ANAPC13: variants seen among roughly 807,000 people sequenced by gnomAD.
ANAPC13 encodes the protein anaphase-promoting complex subunit 13.
ANAPC13 carries 9 observed loss-of-function variants against 9.6 expected under a neutral mutation model. The ratio of observed to expected loss-of-function variants is 0.94; its 90% confidence interval spans 0.57 to 1.64. The LOEUF is 1.64. ANAPC13 is among the 40% of genes most tolerant of loss of function. The pLI is 0.00. For synonymous variants in ANAPC13, 30 were observed against 29.7 expected (o/e 1.01, Z -0.03); for missense variants, 75 against 85.3 (o/e 0.88, Z 0.48).
At chr3:134,483,300 G>C (rs1934781783) in intron 1 of ANAPC13, 1 of 174,818 alleles carries the variant, frequency 5.7e-6, no homozygotes, top group Non-Finnish European at 1.2e-5. Context: ...GATTCATAAT[G>C]GCCAGCTAAG....
chr3:134,484,431 C>A (rs1934897584), intron 1 of ANAPC13, among the ~76,000 whole-genome samples: 1 of 152,102 alleles, frequency 6.6e-6, no homozygotes, highest in African/African-American at 2.4e-5. Context: ...ACAGCTGTCC[C>A]CCATAGGATA....
chr3:134,479,702 G>C (rs1433216012), intron 2 of ANAPC13, among the ~76,000 whole-genome samples: 1 of 152,174 alleles, frequency 6.6e-6, no homozygotes. Flanking sequence ...CACTGAAAAT[G>C]TAATTAATAG....
intron 2 of ANAPC13, among the ~76,000 whole-genome samples, chr3:134,479,836 T>C (rs1934697304): frequency 6.6e-6 from 1 of 152,218 alleles, no homozygotes; most frequent in African/African-American, 2.4e-5. Flanking sequence ...GGATCTGGGA[T>C]CATTTACTTG....
intron 1 of ANAPC13, 102 bp from the exon 2 acceptor site, chr3:134,483,033 G>C (rs964837159): frequency 1.6e-4 from 126 of 777,666 alleles, no homozygotes; most frequent in Non-Finnish European, 2.3e-4. Flanking sequence ...CACCTTTTGG[G>C]AAAAGGTTCA....
chr3:134,483,937 A>G (rs76661643), intron 1 of ANAPC13, among the ~76,000 whole-genome samples: 135 of 152,356 alleles, frequency 8.9e-4, no homozygotes, highest in Non-Finnish European at 1.5e-3. Flanking sequence ...TACAAGCTCA[A>G]CTTCAGACAT....
At chr3:134,479,211 C>T (rs915635126) in intron 2 of ANAPC13, among the ~76,000 whole-genome samples, 12 of 152,170 alleles carry the variant, frequency 7.9e-5, no homozygotes, top group East Asian at 5.8e-4. Context: ...TTATTATTAG[C>T]GGCTAGGAAC....
chr3:134,480,579 A>G (rs552130802), intron 2 of ANAPC13, among the ~76,000 whole-genome samples: 1 of 152,252 alleles, frequency 6.6e-6, no homozygotes, highest in Non-Finnish European at 1.5e-5. Flanking sequence ...CTAAGCTCCA[A>G]GAAGCTCTGC....
At chr3:134,481,404 A>G (rs1035609150) in intron 2 of ANAPC13, among the ~76,000 whole-genome samples, 9 of 152,150 alleles carry the variant, frequency 5.9e-5, no homozygotes, top group Non-Finnish European at 1.3e-4. Context: ...GCCTTTACAC[A>G]TCTGTCCCCT....
chr3:134,478,590 T>C lies in ANAPC13; in HGVS notation c.225A>G (p.Ter75TrpextTer16). 6.2e-7 allele frequency: 1 copy of C among 1,612,286 alleles called. No individual in the cohort carries two copies. The highest frequency in any genetic ancestry group is 8.5e-7 in the Non-Finnish European group (1 of 1,179,496). The change falls in exon 3 of 3, where the codon TGA becomes TGG. Residue 75 changes from the stop codon to tryptophan, a stop_lost. Transcript: ENST00000354910. ...LHENVPPIGN[*>W] is the part of the protein sequence containing the mutation. ...CCATCCACAAGAAAGGAGCCAAGCG[T>C]CAGTTTCCAATGGGGGGAACATTCT...
intron 2 of ANAPC13, among the ~76,000 whole-genome samples, chr3:134,480,331 T>C (rs1220689276): frequency 6.6e-6 from 1 of 152,262 alleles, no homozygotes; most frequent in Non-Finnish European, 1.5e-5. Flanking sequence ...TCATTTGGTA[T>C]CTACTGTCCC....
chr3:134,485,378 A>C (rs984966430), intron 1 of ANAPC13: 3 of 152,214 alleles, frequency 2.0e-5, no homozygotes, highest in African/African-American at 7.2e-5. Context: ...CAGTGAACCC[A>C]CAGTCAGTCT....
chr3:134,480,987 T>G (rs1004369669), intron 2 of ANAPC13, among the ~76,000 whole-genome samples: 1 of 152,178 alleles, frequency 6.6e-6, no homozygotes, highest in African/African-American at 2.4e-5. Context: ...CGCCTGGAAG[T>G]CAGCAGGGAA....
In ANAPC13 at chr3:134,482,807, A is replaced by G; in HGVS notation, c.98T>C (p.Leu33Pro). Residue 33 changes from leucine (L) to proline (P), a missense_variant and splice_region_variant, in exon 2 of 3, where the codon CTG becomes CCG. Leu to Pro is a moderately conservative substitution (Grantham distance 98, BLOSUM62 -3). Transcript: ENST00000354910. ...TCCTCAGCTCAAATCATAACCTACC[A>G]GTGGTATTGCGACATCCTCATAAGG... The part of the protein sequence containing the change: ...KLPYEDVAIP[L>P]NELPEPEQDN... 6.2e-7 allele frequency: 1 copy of G among 1,613,716 alleles called. No individual in the cohort carries two copies. The highest frequency in any genetic ancestry group is 8.5e-7 in the Non-Finnish European group (1 of 1,179,638).
intron 2 of ANAPC13, among the ~76,000 whole-genome samples, chr3:134,481,334 A>T (rs1332379477): frequency 2.0e-5 from 3 of 152,198 alleles, no homozygotes; most frequent in Non-Finnish European, 4.4e-5. Context: ...TTATGTGACA[A>T]ATGTATTCTT....
rs562505522 is a variant in ANAPC13, at chr3:134,479,891, C to T, written c.100-1176G>A. Among the ~76,000 whole-genome samples, 92 of 152,214 alleles carry T rather than the reference C, an allele frequency of 6.0e-4. No individual in the cohort carries two copies. In the Middle Eastern group the frequency reaches 0.014, roughly 23 times the overall value. ...TTACTACTGAAACTCTGCTTTGTAC[C>T]AGAGTTCACAGATACCAATATATTT... is the stretch of plus-strand genomic sequence containing the variant. On this transcript the variant is annotated intron_variant, in intron 2 of 2. Transcript: ENST00000354910.
intron 2 of ANAPC13, among the ~76,000 whole-genome samples, chr3:134,481,048 T>C (rs1275887589): frequency 6.6e-6 from 1 of 152,212 alleles, no homozygotes; most frequent in Non-Finnish European, 1.5e-5. Context: ...AGCCATAAAC[T>C]TCTCCAGAAA....
intron 1 of ANAPC13, among the ~76,000 whole-genome samples, chr3:134,484,212 C>T (rs1293600950): frequency 1.3e-5 from 2 of 152,174 alleles, no homozygotes; most frequent in Non-Finnish European, 2.9e-5. Flanking sequence ...AACCTCGTCT[C>T]TACTAAAAAT....
In ANAPC13 at chr3:134,485,967, G is replaced by C; in HGVS notation, c.-43C>G. On this transcript the variant is annotated 5_prime_UTR_variant, in exon 1 of 3. Transcript: ENST00000354910. ...AAACCCTTACCGGCACCCGGCCACC[G>C]CGGCAGACGCTTGCTCCTGCCACGC... The C allele has an allele frequency of 1.0e-6, 1 of 972,630 alleles. No individual in the cohort carries two copies. Among genetic ancestry groups the C allele is most frequent in the Non-Finnish European group, 1.2e-6 (1 of 825,976 alleles). 60.2% of individuals were successfully genotyped at this position (972,630 alleles called of 1,614,324 possible).
At position 134,485,946 on chromosome 3, in the gene ANAPC13, C is replaced by T. The variant is rs928997237; in HGVS notation, c.-28+6G>A. ...AACCTAGGCCGGGGGCGCTGGAAAC[C>T]CTTACCGGCACCCGGCCACCGCGGC... On this transcript the variant is annotated splice_donor_region_variant and intron_variant, in intron 1 of 2. Transcript: ENST00000354910. 20 of 981,608 alleles carry T rather than the reference C, an allele frequency of 2.0e-5. No homozygotes were observed. The highest frequency in any genetic ancestry group is 1.9e-4 in the African/African-American group (11 of 57,056). 60.8% of individuals were successfully genotyped at this position (981,608 alleles called of 1,614,324 possible).
Sources: allele counts gnomAD v4.1 joint callset (sites outside exome capture counted in the v4.1 genomes callset), GRCh38; gene constraint gnomAD v4.1.1; transcripts MANE v1.5; gene names NCBI Gene and HGNC (gene_info 2026-07-23, HGNC 2026-07-21).